Variants in MAN1A1 observed in about 807,000 individuals in gnomAD.
MAN1A1 encodes mannosyl-oligosaccharide 1,2-alpha-mannosidase IA.
MAN1A1 carries 29 observed loss-of-function variants against 70.8 expected under a neutral mutation model. The ratio of observed to expected loss-of-function variants is 0.41; its 90% CI spans 0.31 to 0.56. MAN1A1 has a LOEUF of 0.56. MAN1A1 is among the 20% of genes least tolerant of loss of function. The probability of loss-of-function intolerance (pLI) is 0.29; values close to 1 mark genes in which losing one functional copy is unlikely to be tolerated. For synonymous variants in MAN1A1, 349 were observed against 330.1 expected (o/e 1.06, Z -0.62); for missense variants, 747 against 841.3 (o/e 0.89, Z 1.39).
intron 6 of MAN1A1, among the ~76,000 whole-genome samples, chr6:119,224,257 T>A (rs1022603073): frequency 6.6e-6 from 1 of 152,196 alleles, no homozygotes; most frequent in Non-Finnish European, 1.5e-5. Context: ...CTAGACAAGA[T>A]TTCATGTTTG....
chr6:119,336,033 G>T (rs181334540), intron 2 of MAN1A1, among the ~76,000 whole-genome samples: 7 of 152,200 alleles, frequency 4.6e-5, no homozygotes, highest in Non-Finnish European at 8.8e-5. Context: ...GCCCACCCAG[G>T]CCTACTGAAT....
intron 5 of MAN1A1, among the ~76,000 whole-genome samples, chr6:119,248,913 C>G (rs1423690292): frequency 7.2e-5 from 11 of 152,138 alleles, no homozygotes; most frequent in Non-Finnish European, 1.6e-4. Context: ...ATAAAAAATA[C>G]TAAGTTAAAT....
chr6:119,342,430 C>A (rs1773622074), intron 2 of MAN1A1, among the ~76,000 whole-genome samples: 1 of 152,120 alleles, frequency 6.6e-6, no homozygotes, highest in African/African-American at 2.4e-5. Context: ...ATGTCTGATA[C>A]CATTCTAAGT....
At chr6:119,302,860 T>A (rs1200473413) in intron 3 of MAN1A1, among the ~76,000 whole-genome samples, 1 of 152,200 alleles carries the variant, frequency 6.6e-6, no homozygotes, top group East Asian at 1.9e-4. Context: ...CACCCCCGTA[T>A]GAATTCTGAC....
At chr6:119,206,431 T>C (rs1410995564) in intron 6 of MAN1A1, among the ~76,000 whole-genome samples, 1 of 152,200 alleles carries the variant, frequency 6.6e-6, no homozygotes, top group Non-Finnish European at 1.5e-5. Context: ...TTACTGGCGC[T>C]TGCAGTCCTG....
rs566835900 is a variant in MAN1A1, at chr6:119,199,809, C to T, written c.1210+1445G>A. 2.8e-3 allele frequency among the ~76,000 whole-genome samples: 425 copies of T among 151,314 alleles called. 4 individuals carry two copies. Among genetic ancestry groups the T allele is most frequent in the African/African-American group, 9.5e-3 (390 of 41,266 alleles). On this transcript the variant is annotated intron_variant, in intron 8 of 12. Coordinates refer to ENST00000368468, the MANE Select transcript of MAN1A1 (RefSeq NM_005907.4). Reference sequence around the variant, plus strand: ...CACCTGTAGTCCCAGCTACTCGGGGCGGGGGGCCGAGGTGGGAAGATAGCT... The same window carrying T: ...CACCTGTAGTCCCAGCTACTCGGGGTGGGGGGCCGAGGTGGGAAGATAGCT...
chr6:119,270,068 G>A (rs901091928), intron 5 of MAN1A1, among the ~76,000 whole-genome samples: 1 of 152,108 alleles, frequency 6.6e-6, no homozygotes, highest in Non-Finnish European at 1.5e-5. Flanking sequence ...TCTTCCAGTT[G>A]GCTCCTGAGT....
At chr6:119,286,320 C>T (rs541719876) in intron 5 of MAN1A1, among the ~76,000 whole-genome samples, 5 of 152,164 alleles carry the variant, frequency 3.3e-5, no homozygotes, top group African/African-American at 4.8e-5. Flanking sequence ...CCAAATACTC[C>T]GAATGTCTTA....
chr6:119,284,352 G>A (rs1360224434), intron 5 of MAN1A1, among the ~76,000 whole-genome samples: 3 of 152,060 alleles, frequency 2.0e-5, no homozygotes, highest in African/African-American at 7.2e-5. Context: ...GCCTAGAAGG[G>A]TCTTCCTGCT....
chr6:119,219,244 G>GA (rs1479536491), intron 6 of MAN1A1, among the ~76,000 whole-genome samples: 1 of 152,156 alleles, frequency 6.6e-6, no homozygotes, highest in African/African-American at 2.4e-5. Context: ...AAAGAGAAGG[G>GA]AAAATCATTG....
At chr6:119,245,631 T>C (rs1775149770) in intron 6 of MAN1A1, among the ~76,000 whole-genome samples, 1 of 152,124 alleles carries the variant, frequency 6.6e-6, no homozygotes, top group Non-Finnish European at 1.5e-5. Context: ...TTGCCAGTGC[T>C]TATTGTGTGA....
rs150168423 is a variant in MAN1A1, at chr6:119,283,728, T to C, written c.897+6955A>G. Among the ~76,000 whole-genome samples, 310 of 152,138 alleles carry C rather than the reference T, an allele frequency of 2.0e-3. 3 individuals are homozygous for C. The highest frequency in any genetic ancestry group is 7.1e-3 in the African/African-American group (294 of 41,512). On this transcript the variant is annotated intron_variant, in intron 5 of 12. Transcript: ENST00000368468. ...TTTTTGGAAGAAAAAGGGTCTGTTA[T>C]ACAGTGGAAGGTCCATGAGGACTGT... is the stretch of plus-strand genomic sequence containing the variant.
chr6:119,239,605 G>A (rs1048749258), intron 6 of MAN1A1, among the ~76,000 whole-genome samples: 35 of 152,196 alleles, frequency 2.3e-4, no homozygotes, highest in Non-Finnish European at 8.8e-5. Flanking sequence ...GGCTGATAAA[G>A]TGCCTTGATA....
intron 2 of MAN1A1, among the ~76,000 whole-genome samples, chr6:119,335,350 A>G (rs180713799): frequency 3.3e-5 from 5 of 152,334 alleles, no homozygotes; most frequent in African/African-American, 1.2e-4. Context: ...TTCTATTTTA[A>G]TTCTTACAAC....
intron 3 of MAN1A1, 138 bp downstream of exon 3, chr6:119,306,758 A>T (rs2114449855): frequency 3.0e-6 from 2 of 668,356 alleles, no homozygotes; most frequent in Middle Eastern, 5.2e-4. Context: ...CACAATCCTT[A>T]TCTAATTCCA....
At chr6:119,207,264 C>T (rs964040118) in intron 6 of MAN1A1, among the ~76,000 whole-genome samples, 1 of 151,912 alleles carries the variant, frequency 6.6e-6, no homozygotes, top group Non-Finnish European at 1.5e-5. Flanking sequence ...CCCCCAACCA[C>T]GGAAGCAAGA....
intron 11 of MAN1A1, among the ~76,000 whole-genome samples, chr6:119,187,411 A>G (rs1385678735): frequency 6.6e-6 from 1 of 152,260 alleles, no homozygotes; most frequent in Admixed American, 6.5e-5. Context: ...ATGACTACTG[A>G]TTAAATGTAA....
chr6:119,295,510 A>G (rs538096183), intron 4 of MAN1A1, among the ~76,000 whole-genome samples: 10 of 152,238 alleles, frequency 6.6e-5, no homozygotes, highest in African/African-American at 2.4e-4. Context: ...AGTCACACTT[A>G]TATTAGAATT....
chr6:119,350,437 T>G (rs1355862979), upstream of MAN1A1: 1 of 621,030 alleles, frequency 1.6e-6, no homozygotes, highest in Non-Finnish European at 2.0e-6. Context: ...AGGACTTTTT[T>G]CGTATGCGCC....
Sources: allele counts gnomAD v4.1 joint callset (sites outside exome capture counted in the v4.1 genomes callset), GRCh38; gene constraint gnomAD v4.1.1; transcripts MANE v1.5; gene names NCBI Gene and HGNC (gene_info 2026-07-23, HGNC 2026-07-21).